Variants in SEC16A observed in about 807,000 individuals in gnomAD.
The protein encoded by SEC16A is SEC16 homolog A, endoplasmic reticulum export factor.
In SEC16A, 110 loss-of-function variants were observed where a neutral mutation model predicts 221.9. That is an observed-to-expected ratio of 0.50 (90% confidence interval 0.42 to 0.58). The LOEUF is 0.58. Among genes scored for constraint, SEC16A ranks in the 20% least tolerant of loss-of-function variants. The probability of loss-of-function intolerance (pLI) is 0.00; values close to 1 mark genes in which losing one functional copy is unlikely to be tolerated. For missense variants in SEC16A, 3,165 were observed against 3,097.8 expected (o/e 1.02, Z -0.52); for synonymous variants, 1,393 against 1,257.7 (o/e 1.11, Z -2.28).
upstream of SEC16A, chr9:136,483,045 C>T: frequency 1.0e-6 from 1 of 984,280 alleles, no homozygotes; most frequent in South Asian, 4.7e-5. Context: ...ACATCCGGCT[C>T]GGGTCTCCGC....
intron 20 of SEC16A, 61 bp downstream of exon 20, chr9:136,455,540 T>C (rs1038356968): frequency 4.1e-6 from 6 of 1,456,944 alleles, no homozygotes; most frequent in Admixed American, 4.3e-5. Flanking sequence ...GTGCAGGCCA[T>C]GGCTCAGCCC....
intron 17 of SEC16A, among the ~76,000 whole-genome samples, chr9:136,458,544 C>G (rs1356741199): frequency 6.6e-6 from 1 of 150,662 alleles, no homozygotes; most frequent in Non-Finnish European, 1.5e-5. Flanking sequence ...AGGAGAATGG[C>G]GTGAACTCAG....
At chr9:136,460,648 C>A (rs567944284) in intron 13 of SEC16A, among the ~76,000 whole-genome samples, 1 of 151,000 alleles carries the variant, frequency 6.6e-6, no homozygotes, top group Non-Finnish European at 1.5e-5. Context: ...TGGTGGCTCA[C>A]GCCTGTAATC....
In SEC16A at chr9:136,463,120, T is replaced by C; in HGVS notation, c.4660A>G (p.Thr1554Ala). ...LCRQNGTVVG[T>A]DIAELLLRDH... The stretch of plus-strand genomic sequence containing the variant: ...CGTAACAGAAGCTCCGCAATGTCGG[T>C]CCCTACCACGGTCTGTTTGGGTCAA... The change falls in exon 12 of 32, where the codon ACC becomes GCC. Residue 1554 changes from threonine to alanine, a missense_variant. By Grantham distance (58) the Thr-to-Ala change is moderately conservative. Transcript: ENST00000684901. The C allele has an allele frequency of 6.2e-7, 1 of 1,610,174 alleles. No individual in the cohort carries two copies. The highest frequency in any genetic ancestry group is 8.5e-7 in the Non-Finnish European group (1 of 1,179,854).
In SEC16A at chr9:136,474,091, C is replaced by T. The variant is rs1841279560; in HGVS notation, c.3525G>A (p.Leu1175=). The T allele has an allele frequency of 6.2e-7, 1 of 1,612,436 alleles. No homozygotes were observed. ...LYDAYQPQYS[L]PYPPEPGAAS... is the part of the protein sequence containing the mutation. ...CTGCGCCAGGCTCCGGTGGGTACGG[C>T]AAAGAGTACTGAGGCTGGTAGGCAT... The change falls in exon 3 of 32, where the codon TTG becomes TTA. Residue 1175 remains leucine (L), a synonymous_variant. Transcript: ENST00000684901.
rs1360251570 is a variant in SEC16A at position 136,476,345 on chromosome 9, C to A, written c.1271G>T (p.Cys424Phe). ...APTHVGAGSL[C>F]QALLPGPSNE... ...GCTGGGGCCTGGGAGAAGGGCCTGG[C>A]AGAGGCTGCCTGCCCCCACGTGTGT... The change falls in exon 3 of 32, where the codon TGC becomes TTC. Residue 424 changes from cysteine to phenylalanine, a missense_variant. Around this residue, in one of 3 missense-constraint regions of SEC16A, gnomAD observed 2,030 missense variants for 1,923.1 expected, o/e 1.06. Transcript: ENST00000684901. 1.2e-6 allele frequency: 2 copies of A among 1,611,946 alleles called. No homozygotes were observed.
intron 3 of SEC16A, among the ~76,000 whole-genome samples, chr9:136,473,805 T>C (rs1382456973): frequency 6.6e-6 from 1 of 152,238 alleles, no homozygotes; most frequent in East Asian, 1.9e-4. Context: ...GCAAGTATTA[T>C]AAGCAATTCA....
rs1379143985 is a variant in SEC16A, at chr9:136,463,152, C to G, written c.4648-20G>C. ...CACGGTCTGTTTGGGTCAACAGGAACAGGAAGGAGAACAACGGCTCTCAGG... is the reference window on the plus strand; with the variant it reads ...CACGGTCTGTTTGGGTCAACAGGAAGAGGAAGGAGAACAACGGCTCTCAGG... On this transcript the variant is annotated intron_variant, in intron 11 of 31. Transcript: ENST00000684901. 3 of 1,605,394 alleles carry G rather than the reference C, an allele frequency of 1.9e-6. No homozygotes were observed. The Admixed American group carries it at 5.0e-5, about 27-fold the overall frequency.
In SEC16A at chr9:136,447,481, C is replaced by G; in HGVS notation, c.6559+88G>C. 2.0e-6 allele frequency: 3 copies of G among 1,535,528 alleles called. No homozygotes were observed. ...CGCAGGGACGTGCGGGAAGCCACCTCCTCCCCACGCACAACAGCTACACAT... is the reference window on the plus strand; with the variant it reads ...CGCAGGGACGTGCGGGAAGCCACCTGCTCCCCACGCACAACAGCTACACAT... On this transcript the variant is annotated intron_variant, in intron 26 of 31. Coordinates refer to ENST00000684901, the MANE Select transcript of SEC16A (RefSeq NM_014866.2). This position sits in a 1 kb window ranked among gnomAD's most constrained non-coding sequence, Gnocchi z 5.5.
intron 30 of SEC16A, among the ~76,000 whole-genome samples, chr9:136,444,822 T>C (rs1588862204): frequency 7.2e-6 from 1 of 138,306 alleles, no homozygotes; most frequent in South Asian, 2.2e-4. Context: ...GAGGTGGCGG[T>C]GAGCTGAGAT....
At chr9:136,470,491 A>G (rs1840716865) in intron 4 of SEC16A, among the ~76,000 whole-genome samples, 1 of 152,242 alleles carries the variant, frequency 6.6e-6, no homozygotes, top group Admixed American at 6.5e-5. Flanking sequence ...CGGAGCTGGA[A>G]GGCTTTGAAT....
chr9:136,445,775 A>C, intron 28 of SEC16A, 56 bp from the exon 29 acceptor site: 1 of 1,432,394 alleles, frequency 7.0e-7, no homozygotes, highest in Non-Finnish European at 9.6e-7. Context: ...TAAGTCTCTC[A>C]CACCAGGCCA....
At chr9:136,457,165 A>T (rs1274542026) in intron 18 of SEC16A, among the ~76,000 whole-genome samples, 1 of 152,258 alleles carries the variant, frequency 6.6e-6, no homozygotes, top group Non-Finnish European at 1.5e-5. Flanking sequence ...ACAGAGTGAG[A>T]CTGCGTCTCA....
rs777741995 is a variant in SEC16A at position 136,477,123 on chromosome 9, C to G, written c.493G>C (p.Val165Leu). 2.5e-6 allele frequency: 4 copies of G among 1,613,734 alleles called. No homozygotes were observed. In the African/African-American group the frequency reaches 4.0e-5, roughly 16 times the overall value. Reference sequence around the variant, plus strand: ...CCCCCATGAGACGTTTCAGGATCCACTCCTGGAATGTAGTGAGGAAGATAT... The same window carrying G: ...CCCCCATGAGACGTTTCAGGATCCAGTCCTGGAATGTAGTGAGGAAGATAT... ...LPYLPHYIPGVDPETSHGGHP... is the reference protein window; with the variant it reads ...LPYLPHYIPGLDPETSHGGHP... Residue 165 changes from valine to leucine, a missense_variant, in exon 3 of 32, where the codon GTG (valine) becomes CTG (leucine). Physicochemically the swap from Val to Leu is conservative, Grantham distance 32. Around this residue, in one of 3 missense-constraint regions of SEC16A, gnomAD observed 2,030 missense variants for 1,923.1 expected, o/e 1.06. Transcript: ENST00000684901.
chr9:136,444,187 A>C, intron 30 of SEC16A: 1 of 246,446 alleles, frequency 4.1e-6, no homozygotes, highest in Non-Finnish European at 7.9e-6. Flanking sequence ...GGTGGTGAGG[A>C]GGTGCCCACG....
rs764422846 is a variant in SEC16A, at chr9:136,466,431, C to T, written c.3961G>A (p.Asp1321Asn). ...PEKRDNNWRY[D>N]PRFTGSFDDD... Reference sequence around the variant, plus strand: ...TCAAAACTCCCCGTGAAGCGAGGATCGTACCTCCAGTTGTTGTCACGTTTC... The same window carrying T: ...TCAAAACTCCCCGTGAAGCGAGGATTGTACCTCCAGTTGTTGTCACGTTTC... Residue 1321 changes from aspartate (D) to asparagine (N), a missense_variant, in exon 7 of 32, where the codon GAT becomes AAT. By Grantham distance (23) the Asp-to-Asn change is conservative. Around this residue, in one of 3 missense-constraint regions of SEC16A, gnomAD observed 2,030 missense variants for 1,923.1 expected, o/e 1.06. Transcript: ENST00000684901. The surrounding 1 kb of genome is among the most constrained non-coding windows in gnomAD (Gnocchi z 5.5). The T allele has an allele frequency of 7.5e-6, 12 of 1,607,362 alleles. No individual in the cohort carries two copies. The East Asian group carries it at 9.0e-5, about 12-fold the overall frequency.
chr9:136,451,427 G>A lies in SEC16A; in HGVS notation c.6160-19C>T, dbSNP rs574557785. The A allele has an allele frequency of 1.9e-6, 3 of 1,574,992 alleles. No homozygotes were observed. Among genetic ancestry groups the A allele is most frequent in the Non-Finnish European group, 2.6e-6 (3 of 1,163,766 alleles). On this transcript the variant is annotated intron_variant, in intron 22 of 31. Coordinates refer to ENST00000684901, the MANE Select transcript of SEC16A (RefSeq NM_014866.2). Reference sequence around the variant, plus strand: ...AGGGGGTCTGTCGCAAGGAAATGCAGAACAGGCTCTCCTGGGGCTCCTCAC... The same window carrying A: ...AGGGGGTCTGTCGCAAGGAAATGCAAAACAGGCTCTCCTGGGGCTCCTCAC...
Position 136,459,449 on chromosome 9 carries a change from A to C in SEC16A, c.5298T>G (p.Asn1766Lys). 1.2e-6 allele frequency: 2 copies of C among 1,601,126 alleles called. No individual in the cohort carries two copies. The highest frequency in any genetic ancestry group is 1.7e-6 in the Non-Finnish European group (2 of 1,172,912). The change falls in exon 16 of 32, where the codon AAT becomes AAG. Residue 1766 changes from asparagine (N) to lysine (K), a missense_variant. Asn to Lys is a moderately conservative substitution (Grantham distance 94, BLOSUM62 0). Coordinates refer to ENST00000684901, the MANE Select transcript of SEC16A (RefSeq NM_014866.2). This position sits in a 1 kb window ranked among gnomAD's most constrained non-coding sequence, Gnocchi z 6.1. ...KTTKLVLIGS[N>K]HSLPFLKFAT... is the part of the protein sequence containing the mutation. Reference sequence around the variant, plus strand: ...ACACTGACTTGGTTCTTTACCTGTGATTGGATCCGATTAAGACAAGCTTTG... The same window carrying C: ...ACACTGACTTGGTTCTTTACCTGTGCTTGGATCCGATTAAGACAAGCTTTG...
intron 30 of SEC16A, among the ~76,000 whole-genome samples, chr9:136,444,262 C>T (rs1018285101): frequency 1.3e-5 from 2 of 152,116 alleles, no homozygotes; most frequent in African/African-American, 4.8e-5. Context: ...GCGGAAGGGT[C>T]GCTGCAAGCC....
Sources: gnomAD v4.1 joint callset for allele counts (sites outside exome capture counted in the v4.1 genomes callset) on GRCh38, gnomAD v4.1.1 for gene constraint, gnomAD v4.1.1 regional missense constraint, Gnocchi (gnomAD v3.1) non-coding constraint, MANE v1.5 for transcripts, NCBI Gene and HGNC (gene_info 2026-07-23, HGNC 2026-07-21) for gene names.